ERBIN: variants seen among roughly 807,000 people sequenced by gnomAD.
The protein encoded by ERBIN is erbb2 interacting protein, also known as densin-180-like protein.
A neutral mutation model predicts 158.4 loss-of-function variants in ERBIN; 60 were observed. That is an observed-to-expected ratio of 0.38 (90% confidence interval 0.31 to 0.47). ERBIN has a LOEUF of 0.47. Ranked by LOEUF, ERBIN falls within the 20% of genes least tolerant of loss-of-function variation. ERBIN has a pLI of 0.99. For missense variants in ERBIN, 1,610 were observed against 1,648.0 expected, an observed-to-expected ratio of 0.98 and a Z score of 0.40; for synonymous variants, 594 against 557.2, an observed-to-expected ratio of 1.07 and a Z score of -0.93.
intron 1 of ERBIN, among the ~76,000 whole-genome samples, chr5:65,957,883 A>G (rs549329551): frequency 0.049 from 6,047 of 124,552 alleles, 403 homozygotes; most frequent in African/African-American, 0.17. Context: ...GGGCGGAGGC[A>G]CTCCTCACTT....
intron 1 of ERBIN, among the ~76,000 whole-genome samples, chr5:65,986,572 A>T (rs898432245): frequency 6.6e-6 from 1 of 152,246 alleles, no homozygotes; most frequent in African/African-American, 2.4e-5. Flanking sequence ...ATTCTGAAAC[A>T]CATAAATGGA....
chr5:65,950,562 G>A (rs1009221320), intron 1 of ERBIN, among the ~76,000 whole-genome samples: 16 of 152,176 alleles, frequency 1.1e-4, no homozygotes, highest in African/African-American at 3.6e-4. Flanking sequence ...GTAAGGTGGT[G>A]TCTGCCAGGT....
rs572004865 is a variant in ERBIN at position 66,025,400 on chromosome 5, T to C, written c.818-80T>C. 125 of 987,586 alleles carry C rather than the reference T, an allele frequency of 1.3e-4. 1 individual carries two copies. Among genetic ancestry groups the C allele is most frequent in the Admixed American group, 6.3e-4 (35 of 55,954 alleles). The allele number at this position is 987,586 out of a possible 1,614,324, so 61.2% of individuals were successfully genotyped here. A position where few individuals can be genotyped will look rare whatever the true frequency, so the allele number is the denominator to read the frequency against. On this transcript the variant is annotated intron_variant, in intron 10 of 25. Coordinates refer to ENST00000284037, the MANE Select transcript of ERBIN (RefSeq NM_001253697.2). ...AGTTGTTTCTAATTCTTGTCAGATG[T>C]AGTATGTCTCACACTGACTGTTGGT... is the stretch of plus-strand genomic sequence containing the variant.
At chr5:65,968,476 A>C (rs561333417) in intron 1 of ERBIN, among the ~76,000 whole-genome samples, 2 of 152,334 alleles carry the variant, frequency 1.3e-5, no homozygotes, top group African/African-American at 4.8e-5. Context: ...ATCACTATCA[A>C]ACTAGTTACA....
At chr5:66,024,009 T>G (rs890975517) in intron 9 of ERBIN, among the ~76,000 whole-genome samples, 5 of 152,120 alleles carry the variant, frequency 3.3e-5, no homozygotes, top group Non-Finnish European at 5.9e-5. Context: ...ACAAATTGTT[T>G]ACTCCCATAA....
chr5:65,977,493 C>T (rs1309428271), intron 1 of ERBIN, among the ~76,000 whole-genome samples: 2 of 149,918 alleles, frequency 1.3e-5, no homozygotes, highest in Non-Finnish European at 3.0e-5. Context: ...GGCGGCCGGG[C>T]AGAGACGCTC....
At chr5:65,935,069 C>T (rs1210718188) in intron 1 of ERBIN, among the ~76,000 whole-genome samples, 1 of 152,094 alleles carries the variant, frequency 6.6e-6, no homozygotes, top group Non-Finnish European at 1.5e-5. Context: ...TATTGTTACT[C>T]TCAGGCCCTC....
intron 21 of ERBIN, 48 bp from the exon 22 acceptor site, chr5:66,072,121 A>C (rs1463424638): frequency 1.3e-6 from 2 of 1,528,076 alleles, no homozygotes; most frequent in Admixed American, 4.1e-5. Flanking sequence ...TCTTGGTTTC[A>C]CATCTTAAAG....
intron 6 of ERBIN, 50 bp downstream of exon 6, chr5:66,013,688 T>G: frequency 8.2e-7 from 1 of 1,224,578 alleles, no homozygotes; most frequent in Non-Finnish European, 1.2e-6. Flanking sequence ...CTTATAAAGT[T>G]TACAAAACTA....
At chr5:66,077,795 T>TAC (rs879359102) in intron 25 of ERBIN, among the ~76,000 whole-genome samples, 18 of 97,080 alleles carry the variant, frequency 1.9e-4, no homozygotes, top group South Asian at 7.1e-4. Context: ...CACACACACA[T>TAC]ACACACACAC....
chr5:66,031,912 G>T (rs909120936), intron 14 of ERBIN, among the ~76,000 whole-genome samples: 1 of 151,936 alleles, frequency 6.6e-6, no homozygotes, highest in Non-Finnish European at 1.5e-5. Context: ...TTCCTGTGTT[G>T]CCCAGTCTGA....
At chr5:65,947,834 C>G (rs1437439710) in intron 1 of ERBIN, among the ~76,000 whole-genome samples, 1 of 151,898 alleles carries the variant, frequency 6.6e-6, no homozygotes, top group African/African-American at 2.4e-5. Flanking sequence ...TGACAAAACC[C>G]CATCTCTACT....
At chr5:65,991,794 A>T (rs1277747503) in intron 2 of ERBIN, among the ~76,000 whole-genome samples, 1 of 152,144 alleles carries the variant, frequency 6.6e-6, no homozygotes, top group Non-Finnish European at 1.5e-5. Flanking sequence ...TCTGTTCTTT[A>T]TTTAAGCAAG....
chr5:66,072,145 T>C, intron 21 of ERBIN, 24 bp from the exon 22 acceptor site: 2 of 1,544,878 alleles, frequency 1.3e-6, no homozygotes, highest in Non-Finnish European at 1.7e-6. Context: ...ATTATTTGTT[T>C]ACTTTTTATT....
intron 1 of ERBIN, among the ~76,000 whole-genome samples, chr5:65,972,008 A>C (rs1020967558): frequency 1.3e-5 from 2 of 152,076 alleles, no homozygotes; most frequent in Non-Finnish European, 2.9e-5. Context: ...GTATGCCTAT[A>C]AGGGCTGCAG....
At chr5:66,073,113 C>CAGTTTAATA (rs1761676923) in intron 22 of ERBIN, among the ~76,000 whole-genome samples, 1 of 152,064 alleles carries the variant, frequency 6.6e-6, no homozygotes, top group African/African-American at 2.4e-5. Context: ...ATTTCCTGAG[C>CAGTTTAATA]CATCTGCTAA....
At chr5:65,994,397 T>G (rs533682785) in intron 3 of ERBIN, among the ~76,000 whole-genome samples, 34 of 152,312 alleles carry the variant, frequency 2.2e-4, no homozygotes, top group African/African-American at 7.9e-4. Context: ...AGAATACTCT[T>G]CTTAAATAGG....
chr5:66,049,332 G>A (rs1005333641), intron 19 of ERBIN, among the ~76,000 whole-genome samples: 1 of 152,050 alleles, frequency 6.6e-6, no homozygotes, highest in Non-Finnish European at 1.5e-5. Context: ...TCTAGCACCT[G>A]AGTATCTTTA....
At chr5:65,947,016 T>C (rs1247142561) in intron 1 of ERBIN, among the ~76,000 whole-genome samples, 4 of 152,092 alleles carry the variant, frequency 2.6e-5, no homozygotes, top group Admixed American at 1.3e-4. Flanking sequence ...TTTTTGGATA[T>C]ATAGTTTGCA....
Sources: gnomAD v4.1 joint callset for allele counts (sites outside exome capture counted in the v4.1 genomes callset) on GRCh38, gnomAD v4.1.1 for gene constraint, MANE v1.5 for transcripts, NCBI Gene and HGNC (gene_info 2026-07-23, HGNC 2026-07-21) for gene names.